AGBL4: variants seen among roughly 807,000 people sequenced by gnomAD.
AGBL4 encodes the protein cytosolic carboxypeptidase 6.
A neutral mutation model predicts 66.4 loss-of-function variants in AGBL4; 58 were observed. The observed-to-expected ratio is 0.87, with a 90% CI of 0.71 to 1.09. The LOEUF is 1.09. Ranked by LOEUF, AGBL4 falls within the 50% of genes least tolerant of loss-of-function variation. The pLI, the probability that AGBL4 is intolerant of heterozygous loss-of-function variation, is 0.00. For synonymous variants in AGBL4, 234 were observed against 222.9 expected (o/e 1.05, Z -0.44); for missense variants, 579 against 631.0 (o/e 0.92, Z 0.88).
intron 3 of AGBL4, among the ~76,000 whole-genome samples, chr1:49,674,112 A>T (rs1455788037): frequency 6.6e-6 from 1 of 152,104 alleles, no homozygotes; most frequent in Non-Finnish European, 1.5e-5. Context: ...TCGGAAAAAA[A>T]GGCAAGCTCA....
chr1:48,630,782 C>A (rs899486231), intron 9 of AGBL4, among the ~76,000 whole-genome samples: 3 of 152,170 alleles, frequency 2.0e-5, no homozygotes, highest in Admixed American at 6.5e-5. Context: ...GTCATAACAA[C>A]CTCTTCTGTC....
intron 5 of AGBL4, among the ~76,000 whole-genome samples, chr1:49,026,385 T>G (rs993251152): frequency 2.0e-5 from 3 of 151,988 alleles, no homozygotes; most frequent in African/African-American, 7.3e-5. Context: ...AGCAACCAAT[T>G]TAGAAAAAGA....
intron 2 of AGBL4, among the ~76,000 whole-genome samples, chr1:49,749,497 T>C (rs962094089): frequency 1.3e-5 from 2 of 152,202 alleles, no homozygotes; most frequent in African/African-American, 4.8e-5. Context: ...GATTTTTCTA[T>C]GTAAAGAATA....
At chr1:49,947,018 A>T (rs1004696065) in intron 1 of AGBL4, among the ~76,000 whole-genome samples, 4 of 151,810 alleles carry the variant, frequency 2.6e-5, no homozygotes, top group Admixed American at 6.6e-5. Flanking sequence ...AGAATTAGAC[A>T]CCCTGAACAG....
chr1:49,613,723 G>A (rs1376523153), intron 3 of AGBL4, among the ~76,000 whole-genome samples: 1 of 152,110 alleles, frequency 6.6e-6, no homozygotes, highest in Non-Finnish European at 1.5e-5. Flanking sequence ...GGCTTCCACT[G>A]ATTCAATATT....
intron 4 of AGBL4, among the ~76,000 whole-genome samples, chr1:49,177,000 C>T (rs961746528): frequency 1.3e-5 from 2 of 152,040 alleles, no homozygotes; most frequent in African/African-American, 4.8e-5. Context: ...AAAGAGTAAC[C>T]GGTGACAACT....
intron 5 of AGBL4, among the ~76,000 whole-genome samples, chr1:48,912,374 G>A (rs1570984463): frequency 6.6e-6 from 1 of 152,284 alleles, no homozygotes; most frequent in Non-Finnish European, 1.5e-5. Context: ...GAGTTGGTTT[G>A]GGGTTAAATG....
chr1:48,587,673 C>T (rs980763489), intron 10 of AGBL4, among the ~76,000 whole-genome samples: 2 of 150,550 alleles, frequency 1.3e-5, no homozygotes, highest in Non-Finnish European at 3.0e-5. Flanking sequence ...GATGAAGTCT[C>T]GCTCTGTCAC....
At chr1:48,641,343 G>A (rs1030136388) in intron 8 of AGBL4, among the ~76,000 whole-genome samples, 1 of 146,008 alleles carries the variant, frequency 6.8e-6, no homozygotes, top group Non-Finnish European at 1.5e-5. Context: ...ATTGCAGGCA[G>A]TGTCCTTTGT....
At position 49,849,581 on chromosome 1, in the gene AGBL4, C is replaced by T. The variant is rs4411167; in HGVS notation, c.157+1815G>A. ...AAGAAAACTGGCTCCTTTGTCAAGC[C>T]AAGATTTGAACCACAGCCTGAACCA... is the stretch of plus-strand genomic sequence containing the variant. On this transcript the variant is annotated intron_variant, in intron 2 of 13. Transcript: ENST00000371839. 8.6e-5 allele frequency among the ~76,000 whole-genome samples: 13 copies of T among 151,700 alleles called. No individual in the cohort carries two copies. In the East Asian group the frequency reaches 2.5e-3, roughly 30 times the overall value.
intron 6 of AGBL4, among the ~76,000 whole-genome samples, chr1:48,747,816 G>A (rs1407031361): frequency 6.6e-6 from 1 of 152,076 alleles, no homozygotes; most frequent in Non-Finnish European, 1.5e-5. Context: ...TGTGACTTCC[G>A]GGTTTAGAAA....
intron 3 of AGBL4, among the ~76,000 whole-genome samples, chr1:49,660,195 A>T (rs573805002): frequency 1.2e-4 from 19 of 152,300 alleles, no homozygotes; most frequent in Admixed American, 2.0e-4. Flanking sequence ...AATTTTTTCA[A>T]TCTATCCTTC....
chr1:49,905,544 T>C (rs1274525612), intron 1 of AGBL4, among the ~76,000 whole-genome samples: 2 of 152,250 alleles, frequency 1.3e-5, no homozygotes, highest in East Asian at 1.9e-4. Context: ...GAAAACAGAA[T>C]AGATGATACC....
intron 1 of AGBL4, chr1:50,017,556 A>G (rs1456746943): frequency 1.3e-5 from 2 of 152,206 alleles, no homozygotes; most frequent in Non-Finnish European, 2.9e-5. Flanking sequence ...AAAGCCATAT[A>G]AAGAAACAAG....
chr1:49,437,804 T>C (rs1056521845), intron 3 of AGBL4, among the ~76,000 whole-genome samples: 2 of 147,694 alleles, frequency 1.4e-5, no homozygotes, highest in Non-Finnish European at 2.9e-5. Context: ...TCACTGTAAA[T>C]GGTATTTGTA....
intron 5 of AGBL4, among the ~76,000 whole-genome samples, chr1:48,875,716 G>C (rs1004119648): frequency 6.6e-6 from 1 of 152,146 alleles, no homozygotes; most frequent in Non-Finnish European, 1.5e-5. Context: ...AAGACAATTT[G>C]CAAGTAGAAT....
At chr1:49,656,234 G>C (rs1394405656) in intron 3 of AGBL4, among the ~76,000 whole-genome samples, 1 of 151,822 alleles carries the variant, frequency 6.6e-6, no homozygotes, top group Non-Finnish European at 1.5e-5. Flanking sequence ...ACACCTCTAC[G>C]CAAATAAACT....
chr1:49,124,439 G>A (rs1645724860), intron 4 of AGBL4, among the ~76,000 whole-genome samples: 1 of 152,126 alleles, frequency 6.6e-6, no homozygotes, highest in Non-Finnish European at 1.5e-5. Context: ...GCTGCTATTG[G>A]ATAATTAACT....
chr1:49,109,016 T>C (rs1373515269), intron 4 of AGBL4, among the ~76,000 whole-genome samples: 1 of 152,218 alleles, frequency 6.6e-6, no homozygotes, highest in Non-Finnish European at 1.5e-5. Flanking sequence ...CAAATGATCC[T>C]CTAGACATGG....
Sources: allele counts gnomAD v4.1 joint callset (sites outside exome capture counted in the v4.1 genomes callset), GRCh38; gene constraint gnomAD v4.1.1; transcripts MANE v1.5; gene names NCBI Gene and HGNC (gene_info 2026-07-23, HGNC 2026-07-21).